Variants in PDE3A observed in about 807,000 individuals in gnomAD.
PDE3A encodes cGMP-inhibited 3',5'-cyclic phosphodiesterase 3A.
In PDE3A, 43 loss-of-function variants were observed where a neutral mutation model predicts 98.3. The ratio of observed to expected loss-of-function variants is 0.44; its 90% CI spans 0.34 to 0.56. The LOEUF is 0.56. PDE3A is among the 20% of genes least tolerant of loss of function. The pLI is 0.01. For missense variants in PDE3A, 1,427 were observed against 1,440.7 expected, an observed-to-expected ratio of 0.99 and a Z score of 0.15; for synonymous variants, 663 against 567.9, an observed-to-expected ratio of 1.17 and a Z score of -2.38.
rs1943395262 is a variant in PDE3A at position 20,368,800 on chromosome 12, G to A, written c.-485G>A. On this transcript the variant is annotated 5_prime_UTR_variant, in exon 1 of 16. Transcript: ENST00000359062. ...CCTCCATCTGCCGCGGGCCCGGCGC[G>A]CTGCAGCGCAGCGCAGCGCCGAGCT... Among the ~76,000 whole-genome samples the A allele has an allele frequency of 6.6e-6, 1 of 151,756 alleles. No homozygotes were observed. The highest frequency in any genetic ancestry group is 2.1e-4 in the South Asian group (1 of 4,806).
At chr12:20,600,963 T>C (rs1402900171) in intron 2 of PDE3A, among the ~76,000 whole-genome samples, 1 of 152,176 alleles carries the variant, frequency 6.6e-6, no homozygotes. Flanking sequence ...TCTTTGAAGG[T>C]TTGGAGTATG....
chr12:20,535,827 C>T (rs981225365), intron 1 of PDE3A, among the ~76,000 whole-genome samples: 7 of 151,856 alleles, frequency 4.6e-5, no homozygotes, highest in South Asian at 2.1e-4. Context: ...GAGAATTATT[C>T]GATTAATAAA....
intron 1 of PDE3A, among the ~76,000 whole-genome samples, chr12:20,498,051 C>T (rs7131827): frequency 0.28 from 42,720 of 152,014 alleles, 7,070 homozygotes; most frequent in East Asian, 0.55. Context: ...TAGTGTTATA[C>T]GGTAGGCTAA....
intron 14 of PDE3A, among the ~76,000 whole-genome samples, chr12:20,652,633 A>T (rs1211425095): frequency 6.6e-6 from 1 of 152,002 alleles, no homozygotes; most frequent in East Asian, 1.9e-4. Flanking sequence ...TTTTTCTTGT[A>T]AATTTGTTTG....
intron 5 of PDE3A, among the ~76,000 whole-genome samples, chr12:20,623,716 G>T (rs959080716): frequency 4.1e-5 from 6 of 147,716 alleles, no homozygotes; most frequent in Non-Finnish European, 9.0e-5. Flanking sequence ...AATATATGAT[G>T]GATATATTCT....
chr12:20,492,307 GAC>G (rs1294598362), intron 1 of PDE3A, among the ~76,000 whole-genome samples: 10 of 152,124 alleles, frequency 6.6e-5, no homozygotes, highest in Middle Eastern at 3.2e-3. Flanking sequence ...ATACTAAAAT[GAC>G]ACATAGACCA....
intron 3 of PDE3A, 78 bp from the exon 4 acceptor site, chr12:20,616,152 T>C: frequency 7.7e-7 from 1 of 1,291,444 alleles, no homozygotes; most frequent in African/African-American, 1.5e-5. Flanking sequence ...AATTAAAAGC[T>C]TGTTTCCTTC....
intron 1 of PDE3A, among the ~76,000 whole-genome samples, chr12:20,451,728 C>T (rs1565553833): frequency 2.0e-5 from 3 of 152,298 alleles, no homozygotes; most frequent in South Asian, 4.2e-4. Context: ...CCACAATACA[C>T]GGCACCCCAG....
At chr12:20,522,500 A>G (rs1477470893) in intron 1 of PDE3A, among the ~76,000 whole-genome samples, 4 of 152,230 alleles carry the variant, frequency 2.6e-5, no homozygotes, top group African/African-American at 9.6e-5. Flanking sequence ...TACAAAGAAA[A>G]TAAAACAGGG....
In PDE3A at chr12:20,401,414, C is replaced by G. The variant is rs538946978; in HGVS notation, c.960+31170C>G. On this transcript the variant is annotated intron_variant, in intron 1 of 15. Coordinates refer to ENST00000359062, the MANE Select transcript of PDE3A (RefSeq NM_000921.5). ...TACCTCCTTGTTTGGGATTCAGGAC[C>G]CTCTCTAATCTACCCTTCTTAACAT... Among the ~76,000 whole-genome samples, 4 of 152,102 alleles carry G rather than the reference C, an allele frequency of 2.6e-5. No individual in the cohort carries two copies. In the South Asian group the frequency reaches 8.3e-4, roughly 32 times the overall value.
chr12:20,456,317 G>A (rs1185929762), intron 1 of PDE3A, among the ~76,000 whole-genome samples: 4 of 152,016 alleles, frequency 2.6e-5, no homozygotes, highest in Non-Finnish European at 4.4e-5. Context: ...TGTTCCCTGG[G>A]GGTTAGTTTG....
chr12:20,519,564 C>T (rs1462566817), intron 1 of PDE3A, among the ~76,000 whole-genome samples: 1 of 152,064 alleles, frequency 6.6e-6, no homozygotes, highest in African/African-American at 2.4e-5. Context: ...ATGAAGTACG[C>T]TTTGTGGAAA....
At chr12:20,423,033 G>C (rs1016971378) in intron 1 of PDE3A, among the ~76,000 whole-genome samples, 1 of 151,982 alleles carries the variant, frequency 6.6e-6, no homozygotes, top group African/African-American at 2.4e-5. Context: ...ATGAAGCCTG[G>C]GTTGATTTTT....
chr12:20,445,539 A>T lies in PDE3A; in HGVS notation c.960+75295A>T, dbSNP rs563959881. On this transcript the variant is annotated intron_variant, in intron 1 of 15. Transcript: ENST00000359062. ...ATATGAGGTGAAGCTGTATTAAAATATGGGTGGCAGTGTCTTTAACTCAGA... is the reference window on the plus strand; with the variant it reads ...ATATGAGGTGAAGCTGTATTAAAATTTGGGTGGCAGTGTCTTTAACTCAGA... 5.3e-5 allele frequency among the ~76,000 whole-genome samples: 8 copies of T among 152,180 alleles called. No individual in the cohort carries two copies. The South Asian group carries it at 1.2e-3, about 24-fold the overall frequency.
chr12:20,376,060 C>T (rs540244349), intron 1 of PDE3A, among the ~76,000 whole-genome samples: 2 of 151,990 alleles, frequency 1.3e-5, no homozygotes, highest in African/African-American at 4.8e-5. Flanking sequence ...TGTACCTTTA[C>T]AGTCTGCTCT....
intron 5 of PDE3A, among the ~76,000 whole-genome samples, chr12:20,627,518 T>C (rs554041334): frequency 5.3e-5 from 8 of 152,122 alleles, no homozygotes; most frequent in African/African-American, 1.9e-4. Context: ...CAGCTACTTC[T>C]CTAAATGTCT....
At chr12:20,614,559 T>G (rs1398565594) in intron 3 of PDE3A, among the ~76,000 whole-genome samples, 1 of 152,126 alleles carries the variant, frequency 6.6e-6, no homozygotes, top group Non-Finnish European at 1.5e-5. Context: ...TTCCTTCCAA[T>G]ATGAAATTCC....
intron 2 of PDE3A, among the ~76,000 whole-genome samples, chr12:20,584,870 T>G (rs182048091): frequency 6.6e-6 from 1 of 152,318 alleles, no homozygotes; most frequent in Admixed American, 6.5e-5. Context: ...TGGGCAGTTT[T>G]ACTCTCTGTT....
At position 20,685,484 on chromosome 12, in the gene PDE3A, T is replaced by C. The variant is rs916720797; in HGVS notation, c.*5213T>C. 6.6e-6 allele frequency among the ~76,000 whole-genome samples: 1 copy of C among 151,510 alleles called. No homozygotes were observed. The highest frequency in any genetic ancestry group is 1.5e-5 in the Non-Finnish European group (1 of 67,932). On this transcript the variant is annotated 3_prime_UTR_variant, in exon 16 of 16. Transcript: ENST00000359062. ...CACGAAACTGAAGATAAAGGCTTCA[T>C]TTCCATAGTGGAAATCAGTGTTTAC...
Sources: gnomAD v4.1 joint callset for allele counts (sites outside exome capture counted in the v4.1 genomes callset) on GRCh38, gnomAD v4.1.1 for gene constraint, MANE v1.5 for transcripts, NCBI Gene and HGNC (gene_info 2026-07-23, HGNC 2026-07-21) for gene names.